GPC5: variants seen among roughly 807,000 people sequenced by gnomAD.
The protein encoded by GPC5 is glypican 5.
Under a neutral mutation model 53.9 loss-of-function variants are expected in GPC5, and 47 were observed. That is an observed-to-expected ratio of 0.87 (90% CI 0.69 to 1.11). The LOEUF (loss-of-function observed/expected upper bound fraction) is 1.11. Ranked by LOEUF, GPC5 falls within the 50% of genes most tolerant of loss-of-function variation. GPC5 has a pLI of 0.00. For synonymous variants in GPC5, 286 were observed against 263.3 expected (o/e 1.09, Z -0.84); for missense variants, 748 against 713.1 (o/e 1.05, Z -0.56).
intron 5 of GPC5, among the ~76,000 whole-genome samples, chr13:91,892,696 T>A (rs895679843): frequency 1.3e-5 from 2 of 151,732 alleles, no homozygotes; most frequent in African/African-American, 4.8e-5. Flanking sequence ...CCCAAATATA[T>A]TTAGACTTTC....
rs571035281 is a variant in GPC5, at chr13:92,775,845, C to G, written c.1562-90437C>G. ...ATCGGCTTCCAATAAATCATACAGC[C>G]TGTTGTTTGTAATCTGTCATTTTTC... is the stretch of plus-strand genomic sequence containing the variant. On this transcript the variant is annotated intron_variant, in intron 7 of 7. Transcript: ENST00000377067. Among the ~76,000 whole-genome samples, 3 of 152,288 alleles carry G rather than the reference C, an allele frequency of 2.0e-5. No homozygotes were observed. In the East Asian group the frequency reaches 5.8e-4, roughly 29 times the overall value.
At chr13:91,616,905 G>A (rs1266329751) in intron 2 of GPC5, among the ~76,000 whole-genome samples, 1 of 152,024 alleles carries the variant, frequency 6.6e-6, no homozygotes, top group Non-Finnish European at 1.5e-5. Context: ...CACCTTGCCA[G>A]CCTTCACACT....
intron 7 of GPC5, among the ~76,000 whole-genome samples, chr13:92,487,840 TA>T (rs66972682): frequency 0.23 from 23,324 of 99,476 alleles, 2,135 homozygotes; most frequent in Middle Eastern, 0.28. Context: ...ATAAATATAG[TA>T]AAAAAAAAAA....
chr13:92,513,310 T>C (rs1346602470), intron 7 of GPC5, among the ~76,000 whole-genome samples: 1 of 152,120 alleles, frequency 6.6e-6, no homozygotes, highest in African/African-American at 2.4e-5. Context: ...CATGCAATCC[T>C]TTTTTGTCCA....
chr13:91,515,140 T>G (rs1325951249), intron 2 of GPC5, among the ~76,000 whole-genome samples: 3 of 152,202 alleles, frequency 2.0e-5, no homozygotes, highest in Non-Finnish European at 4.4e-5. Flanking sequence ...GTAGACAGAA[T>G]TACTTAAAAA....
At chr13:92,031,749 A>G (rs775538588) in intron 6 of GPC5, among the ~76,000 whole-genome samples, 5,505 of 70,144 alleles carry the variant, frequency 0.078, 1,389 homozygotes, top group Non-Finnish European at 0.095. Flanking sequence ...TATATAATAT[A>G]TATTATATTA....
chr13:91,902,000 T>C (rs1185658905), intron 5 of GPC5, among the ~76,000 whole-genome samples: 1 of 152,044 alleles, frequency 6.6e-6, no homozygotes, highest in Non-Finnish European at 1.5e-5. Flanking sequence ...TCAAGTGTTT[T>C]CCTCATCTAC....
In GPC5 at chr13:91,907,955, T is replaced by C. The variant is rs766072631; in HGVS notation, c.1299T>C (p.Val433=). 3 of 1,595,222 alleles carry C rather than the reference T, an allele frequency of 1.9e-6. No individual in the cohort carries two copies. The highest frequency in any genetic ancestry group is 2.5e-6 in the Non-Finnish European group (3 of 1,178,536). The part of the protein sequence containing the change: ...DIVKSYTQRV[V]GNGIKAQSGN... The stretch of plus-strand genomic sequence containing the variant: ...TTGCTAGTTATACTCAGCGTGTGGT[T>C]GGAAATGGAATCAAAGCCCAGTCTG... Residue 433 remains valine, a synonymous_variant, in exon 6 of 8, where the codon GTT becomes GTC. Coordinates refer to ENST00000377067, the MANE Select transcript of GPC5 (RefSeq NM_004466.6).
At chr13:92,494,030 T>G (rs1166134663) in intron 7 of GPC5, among the ~76,000 whole-genome samples, 1 of 151,792 alleles carries the variant, frequency 6.6e-6, no homozygotes, top group Non-Finnish European at 1.5e-5. Context: ...TGCAGGACAC[T>G]GGACATTAAA....
chr13:92,050,132 CAT>C (rs1035920676), intron 6 of GPC5, among the ~76,000 whole-genome samples: 1 of 152,148 alleles, frequency 6.6e-6, no homozygotes, highest in Non-Finnish European at 1.5e-5. Context: ...AGAGTGTACT[CAT>C]ATGTTCATAT....
chr13:91,913,497 C>T (rs1456320671), intron 6 of GPC5, among the ~76,000 whole-genome samples: 1 of 152,034 alleles, frequency 6.6e-6, no homozygotes, highest in Non-Finnish European at 1.5e-5. Flanking sequence ...AGGACAAGCC[C>T]TATATTTATA....
chr13:91,775,406 G>C (rs942978449), intron 5 of GPC5, among the ~76,000 whole-genome samples: 1 of 151,818 alleles, frequency 6.6e-6, no homozygotes, highest in Non-Finnish European at 1.5e-5. Flanking sequence ...CTAACCTATC[G>C]ATCTGCTACC....
intron 7 of GPC5, among the ~76,000 whole-genome samples, chr13:92,245,771 A>G (rs555665530): frequency 9.5e-4 from 144 of 152,280 alleles, no homozygotes; most frequent in Non-Finnish European, 1.5e-3. Flanking sequence ...TATTAAATCT[A>G]TAAATCTAAT....
intron 7 of GPC5, among the ~76,000 whole-genome samples, chr13:92,591,682 C>G (rs1022649873): frequency 3.3e-5 from 5 of 151,966 alleles, no homozygotes; most frequent in African/African-American, 4.8e-5. Context: ...TACAAGAGCC[C>G]TTGAATTCAT....
rs897772014 is a variant in GPC5, at chr13:92,219,621, C to T, written c.1561+74632C>T. On this transcript the variant is annotated intron_variant, in intron 7 of 7. Coordinates refer to ENST00000377067, the MANE Select transcript of GPC5 (RefSeq NM_004466.6). Reference sequence around the variant, plus strand: ...TCTCTCATTTGTCCCCTCCCTCAGTCAGTCAGGCTGCTCCTGGGCCAAGTC... The same window carrying T: ...TCTCTCATTTGTCCCCTCCCTCAGTTAGTCAGGCTGCTCCTGGGCCAAGTC... Among the ~76,000 whole-genome samples the T allele has an allele frequency of 2.6e-5, 4 of 152,156 alleles. No homozygotes were observed. The South Asian group carries it at 6.2e-4, about 24-fold the overall frequency.
chr13:92,332,202 T>G (rs762063664), intron 7 of GPC5, among the ~76,000 whole-genome samples: 8 of 152,178 alleles, frequency 5.3e-5, no homozygotes, highest in Non-Finnish European at 7.4e-5. Flanking sequence ...TACATAATGT[T>G]AAACTGAACT....
chr13:92,415,860 A>G lies in GPC5; in HGVS notation c.1561+270871A>G, dbSNP rs193167436. 3.6e-3 allele frequency among the ~76,000 whole-genome samples: 554 copies of G among 152,306 alleles called. 4 individuals are homozygous for G. Among genetic ancestry groups the G allele is most frequent in the African/African-American group, 0.013 (521 of 41,562 alleles). On this transcript the variant is annotated intron_variant, in intron 7 of 7. Transcript: ENST00000377067. ...GTTCATGCAAATGAACACAGAAAAAATACCTCTTAGGTTTAGTGACATGAG... is the reference window on the plus strand; with the variant it reads ...GTTCATGCAAATGAACACAGAAAAAGTACCTCTTAGGTTTAGTGACATGAG...
At chr13:92,396,613 G>C (rs143031901) in intron 7 of GPC5, among the ~76,000 whole-genome samples, 1 of 151,770 alleles carries the variant, frequency 6.6e-6, no homozygotes, top group Non-Finnish European at 1.5e-5. Context: ...GTAGTTTGTC[G>C]CACCTATCAA....
intron 2 of GPC5, among the ~76,000 whole-genome samples, chr13:91,535,013 T>G (rs992758411): frequency 4.6e-5 from 7 of 152,200 alleles, no homozygotes; most frequent in South Asian, 4.1e-4. Flanking sequence ...CAAAATCCAT[T>G]AAATGGCCTG....
Sources: allele counts gnomAD v4.1 joint callset (sites outside exome capture counted in the v4.1 genomes callset), GRCh38; gene constraint gnomAD v4.1.1; transcripts MANE v1.5; gene names NCBI Gene and HGNC (gene_info 2026-07-23, HGNC 2026-07-21).